The following TENM3 variants were observed in gnomAD, a reference collection of about 807,000 sequenced individuals.
TENM3 encodes the protein teneurin transmembrane protein 3, also known as teneurin-3.
Under a neutral mutation model 255.1 loss-of-function variants are expected in TENM3, and 63 were observed. The observed-to-expected ratio is 0.25, with a 90% confidence interval of 0.20 to 0.30. TENM3 has a LOEUF of 0.30. TENM3 is among the 10% of genes least tolerant of loss of function. TENM3 has a pLI of 1.00. For synonymous variants in TENM3, 1,306 were observed against 1,322.3 expected (o/e 0.99, Z 0.27); for missense variants, 2,929 against 3,461.1 (o/e 0.85, Z 3.86).
the TENM3 span, among the ~76,000 whole-genome samples, chr4:181,587,367 C>T: frequency 6.6e-6 from 1 of 152,184 alleles, no homozygotes; most frequent in African/African-American, 2.4e-5. Context: ...GCTGAAGCCA[C>T]TCCTATCCTG....
chr4:181,488,531 TGTA>T, the TENM3 span, among the ~76,000 whole-genome samples: 1 of 152,308 alleles, frequency 6.6e-6, no homozygotes, highest in Admixed American at 6.5e-5. Flanking sequence ...CTGTAGGAAA[TGTA>T]GTCAATTTTA....
chr4:181,536,760 C>T, the TENM3 span, among the ~76,000 whole-genome samples: 1 of 152,142 alleles, frequency 6.6e-6, no homozygotes, highest in Non-Finnish European at 1.5e-5. Flanking sequence ...TACTGGTGGG[C>T]TCTAGTGTGC....
At chr4:181,481,665 G>T in the TENM3 span, among the ~76,000 whole-genome samples, 1 of 152,114 alleles carries the variant, frequency 6.6e-6, no homozygotes, top group African/African-American at 2.4e-5. Flanking sequence ...GTGAAATCCA[G>T]TTTCAGTACC....
chr4:182,016,284 C>T, the TENM3 span, among the ~76,000 whole-genome samples: 563 of 152,280 alleles, frequency 3.7e-3, 14 homozygotes, highest in South Asian at 0.048. Context: ...TCTCATTCAC[C>T]ATTTCACAAA....
At chr4:182,628,150 T>C (rs1486159705) in intron 4 of TENM3, among the ~76,000 whole-genome samples, 2 of 152,188 alleles carry the variant, frequency 1.3e-5, no homozygotes, top group Non-Finnish European at 2.9e-5. Flanking sequence ...AGGACAGTGT[T>C]TCCATGGACA....
rs1020670381 is a variant in TENM3 at position 182,751,797 on chromosome 4, C to T, written c.3630-3C>T. On this transcript the variant is annotated splice_polypyrimidine_tract_variant and splice_region_variant and intron_variant, in intron 19 of 27. Coordinates refer to ENST00000511685, the MANE Select transcript of TENM3 (RefSeq NM_001080477.4). The stretch of plus-strand genomic sequence containing the variant: ...TGATGTTTATCTATGATCCTTTTCA[C>T]AGCAGCAACCCAGCTCATAGATACT... The T allele has an allele frequency of 6.2e-7, 1 of 1,611,820 alleles. No homozygotes were observed. Among genetic ancestry groups the T allele is most frequent in the Non-Finnish European group, 8.5e-7 (1 of 1,177,958 alleles).
Position 182,730,435 on chromosome 4 carries a change from G to A in TENM3, c.2705+116G>A, listed in dbSNP as rs1760600391. On this transcript the variant is annotated intron_variant, in intron 15 of 27. Transcript: ENST00000511685. ...AATATGGAAATGCAGCAACTTTTTA[G>A]ACTCTACAAACTTGTGACAGTACAT... 4 of 1,181,110 alleles carry A rather than the reference G, an allele frequency of 3.4e-6. No individual in the cohort carries two copies. The South Asian group carries it at 6.0e-5, about 18-fold the overall frequency. 73.2% of individuals were successfully genotyped at this position (1,181,110 alleles called of 1,614,324 possible). A position where few individuals can be genotyped will look rare whatever the true frequency, so the allele number is the denominator to read the frequency against.
chr4:182,189,574 G>A (rs148216488), intron 1 of TENM3, among the ~76,000 whole-genome samples: 94 of 152,270 alleles, frequency 6.2e-4, no homozygotes, highest in African/African-American at 2.0e-3. Context: ...AAACTCCTGG[G>A]CTCATTTCTG....
At chr4:182,587,020 T>A (rs922969527) in intron 3 of TENM3, among the ~76,000 whole-genome samples, 5 of 152,188 alleles carry the variant, frequency 3.3e-5, no homozygotes, top group Admixed American at 6.5e-5. Flanking sequence ...GACTGAATCT[T>A]TTTGCTAAAA....
the TENM3 span, among the ~76,000 whole-genome samples, chr4:181,630,732 A>T: frequency 1.3e-5 from 2 of 152,132 alleles, no homozygotes; most frequent in Admixed American, 6.5e-5. Context: ...GTTATTTTAC[A>T]TTGCTGAGGA....
the TENM3 span, among the ~76,000 whole-genome samples, chr4:181,923,619 A>G: frequency 6.6e-6 from 1 of 152,184 alleles, no homozygotes; most frequent in South Asian, 2.1e-4. Context: ...GATGTAAACA[A>G]ACATATTAAA....
At chr4:182,353,051 G>A (rs1297435021) in intron 3 of TENM3, among the ~76,000 whole-genome samples, 4 of 152,060 alleles carry the variant, frequency 2.6e-5, no homozygotes, top group South Asian at 2.1e-4. Context: ...ATGTACTTGC[G>A]ATCATTCTAG....
At chr4:182,250,359 G>A (rs1425387590) in intron 1 of TENM3, among the ~76,000 whole-genome samples, 1 of 151,956 alleles carries the variant, frequency 6.6e-6, no homozygotes, top group Non-Finnish European at 1.5e-5. Flanking sequence ...GCCTGTTCTA[G>A]TTATTTTTCA....
chr4:182,748,446 C>T (rs28648934), intron 19 of TENM3, among the ~76,000 whole-genome samples: 9 of 152,124 alleles, frequency 5.9e-5, no homozygotes, highest in African/African-American at 1.2e-4. Flanking sequence ...ATTCACCACT[C>T]GTTGTACCCA....
At chr4:182,067,396 G>C in the TENM3 span, among the ~76,000 whole-genome samples, 1 of 152,028 alleles carries the variant, frequency 6.6e-6, no homozygotes, top group Non-Finnish European at 1.5e-5. Flanking sequence ...CCCATCATTC[G>C]GGGTTCAGTG....
chr4:181,927,627 G>A, the TENM3 span, among the ~76,000 whole-genome samples: 1 of 152,212 alleles, frequency 6.6e-6, no homozygotes, highest in African/African-American at 2.4e-5. Flanking sequence ...CTGCCTGCCT[G>A]CTCCGAAGAG....
At chr4:182,017,467 G>C in the TENM3 span, among the ~76,000 whole-genome samples, 5 of 152,136 alleles carry the variant, frequency 3.3e-5, no homozygotes, top group Non-Finnish European at 7.3e-5. Context: ...TATTATACTT[G>C]TATATAATGT....
At chr4:181,638,208 A>G in the TENM3 span, among the ~76,000 whole-genome samples, 1 of 152,206 alleles carries the variant, frequency 6.6e-6, no homozygotes, top group African/African-American at 2.4e-5. Context: ...TCCCACACAG[A>G]CTGACATAGT....
At chr4:181,517,926 G>A in the TENM3 span, among the ~76,000 whole-genome samples, 3 of 152,068 alleles carry the variant, frequency 2.0e-5, no homozygotes, top group Non-Finnish European at 4.4e-5. Context: ...TTTCCAGCAC[G>A]CTCAGGTTCA....
Sources: gnomAD v4.1 joint callset for allele counts (sites outside exome capture counted in the v4.1 genomes callset) on GRCh38, gnomAD v4.1.1 for gene constraint, MANE v1.5 for transcripts, NCBI Gene and HGNC (gene_info 2026-07-23, HGNC 2026-07-21) for gene names.